Variants in PDE1C observed in about 807,000 individuals in gnomAD.
PDE1C encodes phosphodiesterase 1C.
In PDE1C, 62 loss-of-function variants were observed where a neutral mutation model predicts 93.1. The ratio of observed to expected loss-of-function variants is 0.67; its 90% CI spans 0.54 to 0.82. The LOEUF is 0.82. PDE1C is among the 40% of genes least tolerant of loss of function. The probability of loss-of-function intolerance (pLI) is 0.00; values close to 1 mark genes in which losing one functional copy is unlikely to be tolerated. For missense variants in PDE1C, 742 were observed against 884.6 expected, an observed-to-expected ratio of 0.84 and a Z score of 2.04; for synonymous variants, 325 against 310.1, an observed-to-expected ratio of 1.05 and a Z score of -0.50.
chr7:31,711,386 A>G, the PDE1C span, among the ~76,000 whole-genome samples: 1 of 152,198 alleles, frequency 6.6e-6, no homozygotes, highest in Non-Finnish European at 1.5e-5. Flanking sequence ...TTTGATCCTC[A>G]AATTCAATCA....
chr7:32,290,806 A>T (rs942094693), intron 1 of PDE1C, among the ~76,000 whole-genome samples: 6 of 152,208 alleles, frequency 3.9e-5, no homozygotes, highest in African/African-American at 1.4e-4. Context: ...ATAAAGTATC[A>T]AGAGATCATT....
At chr7:32,059,689 T>G (rs1794566716) in intron 1 of PDE1C, among the ~76,000 whole-genome samples, 1 of 149,968 alleles carries the variant, frequency 6.7e-6, no homozygotes, top group Admixed American at 6.6e-5. Flanking sequence ...GAAGGCAAGA[T>G]TTTTTTTTTA....
At chr7:32,210,197 T>G (rs968580875) in intron 1 of PDE1C, among the ~76,000 whole-genome samples, 1 of 152,228 alleles carries the variant, frequency 6.6e-6, no homozygotes, top group Non-Finnish European at 1.5e-5. Context: ...CCCTTATAAC[T>G]TATGAACCCA....
chr7:32,079,343 G>A (rs1318111745), intron 3 of PDE1C, among the ~76,000 whole-genome samples: 2 of 152,160 alleles, frequency 1.3e-5, no homozygotes, highest in Non-Finnish European at 2.9e-5. Flanking sequence ...TCACTGTAAA[G>A]GTAAAGGGTG....
At chr7:32,354,552 T>A (rs1783995400) in intron 1 of PDE1C, among the ~76,000 whole-genome samples, 1 of 152,156 alleles carries the variant, frequency 6.6e-6, no homozygotes, top group African/African-American at 2.4e-5. Flanking sequence ...TGAGCTGTGA[T>A]CTCACCACTG....
At chr7:31,755,370 G>A (rs1484281181) in intron 17 of PDE1C, among the ~76,000 whole-genome samples, 2 of 152,066 alleles carry the variant, frequency 1.3e-5, no homozygotes, top group Admixed American at 6.6e-5. Context: ...AAGGGGAGGG[G>A]GTCTAGGACC....
At chr7:31,924,454 C>T (rs1357271235) in intron 2 of PDE1C, among the ~76,000 whole-genome samples, 2 of 152,202 alleles carry the variant, frequency 1.3e-5, no homozygotes, top group Admixed American at 6.5e-5. Context: ...GCTTTGAATT[C>T]CAACTTCAGG....
At chr7:32,237,762 A>ATATATATATATATATAT (rs1562607013) in intron 1 of PDE1C, among the ~76,000 whole-genome samples, 1 of 35,092 alleles carries the variant, frequency 2.8e-5, no homozygotes, top group Non-Finnish European at 5.1e-5. Flanking sequence ...ATATATATAT[A>ATATATATATATATATAT]CTTTTTTTTT....
intron 2 of PDE1C, among the ~76,000 whole-genome samples, chr7:31,978,710 T>C (rs1811987302): frequency 6.6e-6 from 1 of 152,166 alleles, no homozygotes; most frequent in Non-Finnish European, 1.5e-5. Context: ...ATGCCAGGGA[T>C]GTTGGAACTG....
At chr7:31,654,110 A>G in the PDE1C span, among the ~76,000 whole-genome samples, 5 of 151,864 alleles carry the variant, frequency 3.3e-5, no homozygotes, top group East Asian at 9.7e-4. Context: ...AAAGAGCCTC[A>G]GAAGACAGTG....
At chr7:32,031,571 C>A (rs1790329159) in intron 2 of PDE1C, among the ~76,000 whole-genome samples, 1 of 152,154 alleles carries the variant, frequency 6.6e-6, no homozygotes, top group African/African-American at 2.4e-5. Flanking sequence ...GGAATGAAGG[C>A]ACAAAAGTAT....
At chr7:32,226,246 G>A (rs1807261734) in intron 1 of PDE1C, among the ~76,000 whole-genome samples, 1 of 152,120 alleles carries the variant, frequency 6.6e-6, no homozygotes, top group Non-Finnish European at 1.5e-5. Flanking sequence ...GTGGGCCTGA[G>A]CTGCTTCTCC....
At chr7:31,890,099 T>A (rs995265949) in intron 2 of PDE1C, among the ~76,000 whole-genome samples, 1 of 152,164 alleles carries the variant, frequency 6.6e-6, no homozygotes, top group African/African-American at 2.4e-5. Context: ...GATGTTATTA[T>A]GAAAACCCAC....
At chr7:32,049,488 T>G (rs1202482437) in intron 2 of PDE1C, among the ~76,000 whole-genome samples, 1 of 152,046 alleles carries the variant, frequency 6.6e-6, no homozygotes, top group Non-Finnish European at 1.5e-5. Flanking sequence ...AAAAGAGGGA[T>G]GAGGAAGGGG....
chr7:32,108,230 C>CAA (rs71559210), intron 3 of PDE1C, among the ~76,000 whole-genome samples: 24,331 of 76,722 alleles, frequency 0.32, 3,942 homozygotes, highest in South Asian at 0.42. Context: ...AAAAGCAAGA[C>CAA]AAAAAAAAAA....
chr7:31,896,347 C>A (rs1233650283), intron 2 of PDE1C, among the ~76,000 whole-genome samples: 1 of 152,096 alleles, frequency 6.6e-6, no homozygotes, highest in Non-Finnish European at 1.5e-5. Context: ...ATGAGGTCAC[C>A]AAACTACGTG....
chr7:31,855,218 G>GA, intron 7 of PDE1C, among the ~76,000 whole-genome samples: 1 of 152,128 alleles, frequency 6.6e-6, no homozygotes. Flanking sequence ...GGCTCTGGGG[G>GA]AAAATCTGCT....
Position 31,837,281 on chromosome 7 carries a change from A to C in PDE1C, c.1102T>G (p.Leu368Val). The C allele has an allele frequency of 6.2e-7, 1 of 1,612,600 alleles. No individual in the cohort carries two copies. The highest frequency in any genetic ancestry group is 8.5e-7 in the Non-Finnish European group (1 of 1,179,162). Residue 368 changes from leucine (L) to valine (V), a missense_variant, in exon 11 of 18, where the codon TTA (leucine) becomes GTA (valine). Leu to Val is a conservative substitution (Grantham distance 32). Coordinates refer to ENST00000396191, the MANE Select transcript of PDE1C (RefSeq NM_001191057.4). ...TCTGCTGTATGCAGCATAAGGGATA[A>C]GGCTTTTGGCTTTTCAATGCTGTAA... The part of the protein sequence containing the change: ...QPEAIEKPKA[L>V]SLMLHTADIS...
intron 3 of PDE1C, among the ~76,000 whole-genome samples, chr7:32,092,743 G>T (rs1334598363): frequency 6.6e-6 from 1 of 152,142 alleles, no homozygotes; most frequent in Non-Finnish European, 1.5e-5. Context: ...AAGCCAAGAT[G>T]GCACAAAAAC....
Sources: gnomAD v4.1 joint callset for allele counts (sites outside exome capture counted in the v4.1 genomes callset) on GRCh38, gnomAD v4.1.1 for gene constraint, MANE v1.5 for transcripts, NCBI Gene and HGNC (gene_info 2026-07-23, HGNC 2026-07-21) for gene names.